Variants in ELP4 observed in about 807,000 individuals in gnomAD.
ELP4 encodes the protein elongator acetyltransferase complex subunit 4.
ELP4 carries 51 observed loss-of-function variants against 48.9 expected under a neutral mutation model. The ratio of observed to expected loss-of-function variants is 1.04; its 90% confidence interval spans 0.83 to 1.32. ELP4 has a LOEUF of 1.32. Ranked by LOEUF, ELP4 falls within the 40% of genes most tolerant of loss-of-function variation. ELP4 has a pLI of 0.00. For synonymous variants in ELP4, 210 were observed against 189.2 expected (o/e 1.11, Z -0.90); for missense variants, 519 against 514.6 (o/e 1.01, Z -0.08).
chr11:31,675,144 A>C (rs2134113106), intron 9 of ELP4, among the ~76,000 whole-genome samples: 1 of 152,352 alleles, frequency 6.6e-6, no homozygotes, highest in East Asian at 1.9e-4. Flanking sequence ...AGGAAAAATC[A>C]TCACTGTCAG....
At position 31,787,918 on chromosome 11, in the gene ELP4, G is replaced by A; in HGVS notation, c.*4394G>A. 4.5e-6 allele frequency: 1 copy of A among 221,182 alleles called. No homozygotes were observed. Among genetic ancestry groups the A allele is most frequent in the Non-Finnish European group, 9.0e-6 (1 of 110,546 alleles). The allele number at this position is 221,182 out of a possible 1,614,324, so 13.7% of individuals were successfully genotyped here. ...CTTTTGGGGATTTTTTTAAAGCAGA[G>A]TATAATTCAGTGGAAGTGTGTCTTT... On this transcript the variant is annotated 3_prime_UTR_variant, in exon 10 of 10. Transcript: ENST00000640961.
intron 7 of ELP4, among the ~76,000 whole-genome samples, chr11:31,640,851 G>A (rs1190589708): frequency 6.6e-6 from 1 of 151,912 alleles, no homozygotes; most frequent in Non-Finnish European, 1.5e-5. Flanking sequence ...AGAAAGTCCT[G>A]AGAGATTAAA....
At chr11:31,752,606 G>A (rs185755510) in intron 9 of ELP4, among the ~76,000 whole-genome samples, 241 of 152,098 alleles carry the variant, frequency 1.6e-3, no homozygotes, top group East Asian at 5.2e-3. Flanking sequence ...AGGCCGAGGC[G>A]GACGGATCAC....
At chr11:31,538,308 A>G (rs985496924) in intron 2 of ELP4, among the ~76,000 whole-genome samples, 10 of 148,548 alleles carry the variant, frequency 6.7e-5, no homozygotes, top group Non-Finnish European at 1.2e-4. Flanking sequence ...TCTATATATT[A>G]CAGTAATGAC....
intron 9 of ELP4, among the ~76,000 whole-genome samples, chr11:31,699,439 T>C (rs971165334): frequency 3.3e-5 from 5 of 152,146 alleles, no homozygotes; most frequent in African/African-American, 4.8e-5. Context: ...CATACTGAGA[T>C]AGATGGATGC....
At chr11:31,570,211 G>A (rs1957172564) in intron 3 of ELP4, among the ~76,000 whole-genome samples, 1 of 152,186 alleles carries the variant, frequency 6.6e-6, no homozygotes. Flanking sequence ...CAGCAACATG[G>A]ATGTAGCTGG....
rs533593745 is a variant in ELP4, at chr11:31,769,061, AAAC to A, written c.1144-14326_1144-14324del. On this transcript the variant is annotated intron_variant, in intron 9 of 9. Coordinates refer to ENST00000640961, the MANE Select transcript of ELP4 (RefSeq NM_019040.5). ...TGAACATAAGGCAGCTCCTAATAAA[AAAC>A]AACAATTCCCCCTTGTAAACACCTA... Among the ~76,000 whole-genome samples, 545 of 152,258 alleles carry A rather than the reference AAAC, an allele frequency of 3.6e-3. 1 individual carries two copies. The highest frequency in any genetic ancestry group is 6.8e-3 in the Middle Eastern group (2 of 294).
At chr11:31,765,542 T>C (rs1437837515) in intron 9 of ELP4, among the ~76,000 whole-genome samples, 1 of 152,174 alleles carries the variant, frequency 6.6e-6, no homozygotes, top group South Asian at 2.1e-4. Flanking sequence ...TGAGTAATCA[T>C]TGACTTTACT....
chr11:31,549,193 A>G (rs1313198146), intron 3 of ELP4, among the ~76,000 whole-genome samples: 2 of 151,436 alleles, frequency 1.3e-5, no homozygotes, highest in Non-Finnish European at 3.0e-5. Context: ...ATCAGAGTGA[A>G]CAGGCAACCC....
chr11:31,728,317 A>G (rs185703844), intron 9 of ELP4, among the ~76,000 whole-genome samples: 78 of 152,196 alleles, frequency 5.1e-4, no homozygotes, highest in Admixed American at 2.1e-3. Flanking sequence ...AATTTTTTCA[A>G]AGTTCATAAA....
At chr11:31,710,982 T>C (rs1263621649) in intron 9 of ELP4, among the ~76,000 whole-genome samples, 3 of 152,080 alleles carry the variant, frequency 2.0e-5, no homozygotes, top group Admixed American at 6.6e-5. Context: ...ACAGTCCAAA[T>C]CAAAAATGAT....
At chr11:31,577,646 G>A (rs760419603) in intron 3 of ELP4, among the ~76,000 whole-genome samples, 7 of 151,884 alleles carry the variant, frequency 4.6e-5, no homozygotes, top group South Asian at 2.1e-4. Context: ...CAACATACGC[G>A]AATCAATAAA....
intron 5 of ELP4, among the ~76,000 whole-genome samples, chr11:31,615,682 A>G (rs1429749400): frequency 1.3e-5 from 2 of 152,076 alleles, no homozygotes; most frequent in African/African-American, 4.8e-5. Context: ...CCCTAAATGA[A>G]CAGTGGCTAT....
intron 3 of ELP4, among the ~76,000 whole-genome samples, chr11:31,571,083 C>T (rs949116665): frequency 6.6e-6 from 1 of 152,174 alleles, no homozygotes; most frequent in Non-Finnish European, 1.5e-5. Flanking sequence ...CAGGCGTAAG[C>T]CACCGTGCCC....
At chr11:31,611,506 G>A (rs1011695837) in intron 5 of ELP4, among the ~76,000 whole-genome samples, 1 of 152,084 alleles carries the variant, frequency 6.6e-6, no homozygotes, top group African/African-American at 2.4e-5. Context: ...CATCTCACTG[G>A]ATCTCATTGA....
rs1944728923 is a variant in ELP4, at chr11:31,625,682, C to T, written c.654-1428C>T. On this transcript the variant is annotated intron_variant, in intron 5 of 9. Transcript: ENST00000640961. ...TCCACTCTCCTATAACCCATAGTGA[C>T]ATTCATCAGATCGTTGGCTGGAATT... 2.0e-5 allele frequency among the ~76,000 whole-genome samples: 3 copies of T among 151,808 alleles called. No homozygotes were observed. The South Asian group carries it at 6.2e-4, about 31-fold the overall frequency.
rs1412582256 is a variant in ELP4, at chr11:31,620,090, G to A, written c.654-7020G>A. 2.6e-5 allele frequency among the ~76,000 whole-genome samples: 4 copies of A among 152,116 alleles called. No homozygotes were observed. The East Asian group carries it at 5.8e-4, about 22-fold the overall frequency. On this transcript the variant is annotated intron_variant, in intron 5 of 9. Transcript: ENST00000640961. ...ACAAAAAAAGAAAAAGAGAAAGTAT[G>A]ACATTGTCATCTAGGAGAGTGAGGA...
chr11:31,699,980 T>A (rs542063954), intron 9 of ELP4, among the ~76,000 whole-genome samples: 2 of 152,274 alleles, frequency 1.3e-5, no homozygotes, highest in South Asian at 4.1e-4. Flanking sequence ...AGAATGAATG[T>A]CCTGACGATA....
At chr11:31,712,432 C>T (rs1946761876) in intron 9 of ELP4, among the ~76,000 whole-genome samples, 1 of 152,060 alleles carries the variant, frequency 6.6e-6, no homozygotes, top group African/African-American at 2.4e-5. Flanking sequence ...AACCAGGTTT[C>T]ACCAGGTAAT....
Sources: allele counts gnomAD v4.1 joint callset (sites outside exome capture counted in the v4.1 genomes callset), GRCh38; gene constraint gnomAD v4.1.1; transcripts MANE v1.5; gene names NCBI Gene and HGNC (gene_info 2026-07-23, HGNC 2026-07-21).